LDLRAD3: variants seen among roughly 807,000 people sequenced by gnomAD.
The protein encoded by LDLRAD3 is low density lipoprotein receptor class A domain containing 3.
Under a neutral mutation model 29.4 loss-of-function variants are expected in LDLRAD3, and 20 were observed. The ratio of observed to expected loss-of-function variants is 0.68; its 90% CI spans 0.48 to 0.99. LDLRAD3 has a LOEUF of 0.99. Ranked by LOEUF, LDLRAD3 falls within the 50% of genes least tolerant of loss-of-function variation. The pLI is 0.00. For missense variants in LDLRAD3, 420 were observed against 454.3 expected, an observed-to-expected ratio of 0.92 and a Z score of 0.69; for synonymous variants, 157 against 192.7, an observed-to-expected ratio of 0.81 and a Z score of 1.53.
At chr11:36,115,048 T>A (rs1195762138) in intron 4 of LDLRAD3, among the ~76,000 whole-genome samples, 1 of 152,192 alleles carries the variant, frequency 6.6e-6, no homozygotes, top group Non-Finnish European at 1.5e-5. Context: ...AATACCCCTC[T>A]TGAGAGCTTC....
At chr11:36,073,993 G>GT (rs200398868) in intron 2 of LDLRAD3, among the ~76,000 whole-genome samples, 16 of 152,072 alleles carry the variant, frequency 1.1e-4, no homozygotes, top group East Asian at 9.7e-4. Flanking sequence ...TCTGTAAAAT[G>GT]TTTTTTTTGT....
chr11:35,961,263 G>T (rs1469432088), intron 1 of LDLRAD3, among the ~76,000 whole-genome samples: 1 of 152,216 alleles, frequency 6.6e-6, no homozygotes, highest in Admixed American at 6.5e-5. Context: ...GTGCACTGCT[G>T]CAAGAAGATA....
intron 2 of LDLRAD3, among the ~76,000 whole-genome samples, chr11:36,064,308 T>A (rs554524990): frequency 7.7e-4 from 117 of 152,118 alleles, no homozygotes; most frequent in Admixed American, 2.0e-3. Context: ...TAGTTTTTTT[T>A]AAAAAATTTT....
chr11:36,007,118 T>C (rs1481323732), intron 1 of LDLRAD3, among the ~76,000 whole-genome samples: 1 of 152,238 alleles, frequency 6.6e-6, no homozygotes, highest in East Asian at 1.9e-4. Flanking sequence ...GCAGTCATTA[T>C]TTATTTATAC....
chr11:36,128,135 T>TATATA (rs1853868204), intron 4 of LDLRAD3, among the ~76,000 whole-genome samples: 1 of 125,646 alleles, frequency 8.0e-6, no homozygotes, highest in Non-Finnish European at 1.7e-5. Flanking sequence ...TATATATATA[T>TATATA]GTATATGACA....
At chr11:36,020,314 G>A (rs1383387126) in intron 1 of LDLRAD3, among the ~76,000 whole-genome samples, 1 of 152,000 alleles carries the variant, frequency 6.6e-6, no homozygotes. Flanking sequence ...TCCTATGCCC[G>A]CTCCTACCTT....
intron 4 of LDLRAD3, among the ~76,000 whole-genome samples, chr11:36,157,843 A>G (rs1854376857): frequency 6.6e-6 from 1 of 152,158 alleles, no homozygotes; most frequent in South Asian, 2.1e-4. Context: ...CTTAGATTAT[A>G]AGGAATCTAG....
chr11:36,014,567 A>G (rs1164971911), intron 1 of LDLRAD3, among the ~76,000 whole-genome samples: 1 of 152,142 alleles, frequency 6.6e-6, no homozygotes, highest in African/African-American at 2.4e-5. Context: ...CCCGCCTGCC[A>G]TGGGGAGGTG....
intron 1 of LDLRAD3, among the ~76,000 whole-genome samples, chr11:36,032,223 A>T (rs530442408): frequency 6.5e-4 from 99 of 152,312 alleles, no homozygotes; most frequent in African/African-American, 2.4e-3. Flanking sequence ...GGGGGGACAC[A>T]ATTGAGCCTG....
intron 3 of LDLRAD3, 108 bp downstream of exon 3, chr11:36,081,886 CATTCTCTTCTGTTACCCAG>C: frequency 3.8e-6 from 5 of 1,317,936 alleles, no homozygotes; most frequent in Admixed American, 2.1e-5. Flanking sequence ...GAGGCTCAGG[CATTCTCTTCTGTTACCCAG>C]ATTCTGTTCT....
intron 1 of LDLRAD3, among the ~76,000 whole-genome samples, chr11:35,964,245 G>A (rs951052226): frequency 3.3e-5 from 5 of 152,198 alleles, no homozygotes; most frequent in African/African-American, 1.2e-4. Flanking sequence ...TGGGGAAAGT[G>A]CTTTACCCAC....
intron 4 of LDLRAD3, among the ~76,000 whole-genome samples, chr11:36,147,243 G>A (rs1309358193): frequency 2.0e-5 from 3 of 148,412 alleles, no homozygotes; most frequent in Non-Finnish European, 4.4e-5. Context: ...TCAGCCTCCC[G>A]AGTAGCTAGG....
In LDLRAD3 at chr11:36,231,871, C is replaced by T. The variant is rs544480516; in HGVS notation, c.*2474C>T. ...AAATCTACGCCAACCAGAAAATAGT[C>T]TCATCTCTTTTTTTCTCAAATGAGA... On this transcript the variant is annotated 3_prime_UTR_variant, in exon 6 of 6. Coordinates refer to ENST00000315571, the MANE Select transcript of LDLRAD3 (RefSeq NM_174902.4). 7 of 152,210 alleles carry T rather than the reference C, an allele frequency of 4.6e-5. No homozygotes were observed. In the East Asian group the frequency reaches 1.4e-3, roughly 29 times the overall value. 9.4% of individuals were successfully genotyped at this position (152,210 alleles called of 1,614,324 possible).
intron 4 of LDLRAD3, chr11:36,102,140 G>A (rs1320962702): frequency 1.8e-5 from 3 of 170,502 alleles, no homozygotes; most frequent in South Asian, 1.2e-4. Flanking sequence ...CACCCGCCTC[G>A]GCCTCCCAAA....
intron 4 of LDLRAD3, among the ~76,000 whole-genome samples, chr11:36,125,049 G>A (rs1050504073): frequency 2.6e-5 from 4 of 152,052 alleles, no homozygotes; most frequent in African/African-American, 4.8e-5. Flanking sequence ...AAGGTCACCC[G>A]TTCTACCTTA....
chr11:36,149,319 A>C (rs1368162392), intron 4 of LDLRAD3, among the ~76,000 whole-genome samples: 1 of 152,216 alleles, frequency 6.6e-6, no homozygotes, highest in African/African-American at 2.4e-5. Flanking sequence ...AATCTACAAA[A>C]GAATAGCGGT....
chr11:36,105,238 T>TGA (rs35668663), intron 4 of LDLRAD3, among the ~76,000 whole-genome samples: 3,070 of 128,274 alleles, frequency 0.024, 29 homozygotes, highest in African/African-American at 0.045. Flanking sequence ...TGTGTGTGTG[T>TGA]GAGAGAGAGA....
intron 4 of LDLRAD3, among the ~76,000 whole-genome samples, chr11:36,135,229 G>C (rs1037029979): frequency 6.6e-6 from 1 of 152,206 alleles, no homozygotes; most frequent in Non-Finnish European, 1.5e-5. Context: ...TGGTCTTTCA[G>C]ATCAAAGCCA....
intron 4 of LDLRAD3, among the ~76,000 whole-genome samples, chr11:36,118,369 G>GA (rs1401311126): frequency 6.6e-6 from 1 of 152,062 alleles, no homozygotes; most frequent in Non-Finnish European, 1.5e-5. Flanking sequence ...TTGTTAAGGG[G>GA]AAAAAATTAA....
Sources: gnomAD v4.1 joint callset for allele counts (sites outside exome capture counted in the v4.1 genomes callset) on GRCh38, gnomAD v4.1.1 for gene constraint, MANE v1.5 for transcripts, NCBI Gene and HGNC (gene_info 2026-07-23, HGNC 2026-07-21) for gene names.